EPB41L5: variants seen among roughly 807,000 people sequenced by gnomAD.
EPB41L5 encodes erythrocyte membrane protein band 4.1 like 5.
Under a neutral mutation model 106.6 loss-of-function variants are expected in EPB41L5, and 55 were observed. That is an observed-to-expected ratio of 0.52 (90% CI 0.42 to 0.65). EPB41L5 has a LOEUF of 0.65. EPB41L5 is among the 30% of genes least tolerant of loss of function. The pLI is 0.00. For synonymous variants in EPB41L5, 297 were observed against 306.7 expected (o/e 0.97, Z 0.33); for missense variants, 871 against 882.1 (o/e 0.99, Z 0.16).
rs952736552 is a variant in EPB41L5, at chr2:120,168,098, A to G, written c.2135+91A>G. On this transcript the variant is annotated intron_variant, in intron 24 of 24. Coordinates refer to ENST00000263713, the MANE Select transcript of EPB41L5 (RefSeq NM_020909.4). Reference sequence around the variant, plus strand: ...TATTATCTCTAAAGCAGCAATGTCAATTCTTCCCTAACTGAACTATATTGA... The same window carrying G: ...TATTATCTCTAAAGCAGCAATGTCAGTTCTTCCCTAACTGAACTATATTGA... The G allele has an allele frequency of 2.4e-4, 332 of 1,397,208 alleles. No individual in the cohort carries two copies. Among genetic ancestry groups the G allele is most frequent in the Non-Finnish European group, 2.8e-4 (291 of 1,029,890 alleles). The allele number at this position is 1,397,208 out of a possible 1,614,324, so 86.6% of individuals were successfully genotyped here.
chr2:120,097,496 A>G lies in EPB41L5; in HGVS notation c.1179-2748A>G, dbSNP rs944768929. 9.9e-5 allele frequency among the ~76,000 whole-genome samples: 15 copies of G among 152,234 alleles called. 2 individuals carry two copies. The highest frequency in any genetic ancestry group is 1.3e-4 in the Admixed American group (2 of 15,282). ...ACAGATTTTTTAATTGGCTAATGTC[A>G]GTCATTTTTCTTGTACTGTTTTGGC... On this transcript the variant is annotated intron_variant, in intron 14 of 24. Coordinates refer to ENST00000263713, the MANE Select transcript of EPB41L5 (RefSeq NM_020909.4).
intron 2 of EPB41L5, among the ~76,000 whole-genome samples, chr2:120,039,538 T>C (rs909957916): frequency 2.6e-5 from 4 of 152,066 alleles, no homozygotes; most frequent in African/African-American, 9.7e-5. Context: ...TTGAAAGTAA[T>C]TTTGTGGCCA....
intron 20 of EPB41L5, among the ~76,000 whole-genome samples, chr2:120,155,565 T>A (rs1686864513): frequency 6.6e-6 from 1 of 152,242 alleles, no homozygotes; most frequent in Non-Finnish European, 1.5e-5. Context: ...AATTTTCAAG[T>A]ATTATTTATT....
At chr2:120,033,089 C>T (rs1678824105) in intron 2 of EPB41L5, among the ~76,000 whole-genome samples, 2 of 152,132 alleles carry the variant, frequency 1.3e-5, no homozygotes, top group Admixed American at 1.3e-4. Flanking sequence ...AAGGTTGATA[C>T]TAGCAGGTTG....
chr2:120,161,198 C>T (rs564568701), intron 21 of EPB41L5, among the ~76,000 whole-genome samples: 152 of 152,044 alleles, frequency 1.0e-3, no homozygotes, highest in African/African-American at 3.6e-3. Context: ...GGCAACATGG[C>T]AAAACCTGTC....
chr2:120,105,667 G>T, intron 16 of EPB41L5: 1 of 985,378 alleles, frequency 1.0e-6, no homozygotes, highest in Non-Finnish European at 1.2e-6. Flanking sequence ...AATATAAATA[G>T]ATCTGTATCT....
At chr2:120,016,167 C>T (rs752709733) in intron 1 of EPB41L5, among the ~76,000 whole-genome samples, 8 of 151,954 alleles carry the variant, frequency 5.3e-5, no homozygotes, top group East Asian at 3.9e-4. Flanking sequence ...AGGTGGCTTA[C>T]GCCTGTAATC....
intron 14 of EPB41L5, among the ~76,000 whole-genome samples, chr2:120,096,187 T>A (rs550768234): frequency 6.6e-6 from 1 of 152,178 alleles, no homozygotes; most frequent in Non-Finnish European, 1.5e-5. Flanking sequence ...TATTTTTGGA[T>A]ATTGAGTATC....
rs1350343573 is a variant in EPB41L5, at chr2:120,174,038, G to A, written c.2136-803G>A. ...GTTACTTCCTTGCATCTAAACTCAC[G>A]CAGTTCACTGACAGCAGAAATTCAC... On this transcript the variant is annotated intron_variant, in intron 24 of 24. Transcript: ENST00000263713. Among the ~76,000 whole-genome samples, 3 of 152,134 alleles carry A rather than the reference G, an allele frequency of 2.0e-5. No individual in the cohort carries two copies. In the East Asian group the frequency reaches 5.8e-4, roughly 29 times the overall value.
chr2:120,175,161 A>C lies in EPB41L5; in HGVS notation c.*254A>C. On this transcript the variant is annotated 3_prime_UTR_variant, in exon 25 of 25. Coordinates refer to ENST00000263713, the MANE Select transcript of EPB41L5 (RefSeq NM_020909.4). ...CTTTTATAAATGTTACAAATTCCCG[A>C]AAGAAGGGAATTTCTTTTTCTGGGG... 2.2e-6 allele frequency: 1 copy of C among 452,590 alleles called. No homozygotes were observed. The highest frequency in any genetic ancestry group is 4.1e-6 in the Non-Finnish European group (1 of 246,522). 28.0% of individuals were successfully genotyped at this position (452,590 alleles called of 1,614,324 possible).
chr2:120,093,043 CTT>C (rs1683517634), intron 13 of EPB41L5, among the ~76,000 whole-genome samples: 1 of 152,100 alleles, frequency 6.6e-6, no homozygotes, highest in African/African-American at 2.4e-5. Context: ...AAGCTCAACT[CTT>C]AGGAGTTTGA....
intron 2 of EPB41L5, among the ~76,000 whole-genome samples, chr2:120,020,154 A>T (rs1226322358): frequency 6.6e-6 from 1 of 152,186 alleles, no homozygotes; most frequent in African/African-American, 2.4e-5. Context: ...TGTGAGCTTC[A>T]TAGGATATTC....
chr2:120,065,108 T>C (rs943135237), intron 3 of EPB41L5, among the ~76,000 whole-genome samples: 4 of 152,056 alleles, frequency 2.6e-5, no homozygotes, highest in South Asian at 2.1e-4. Context: ...CTAGGGTGAT[T>C]TTATGTTTAT....
rs538826830 is a variant in EPB41L5 at position 120,104,392 on chromosome 2, C to A, written c.1337+3578C>A. 1.6e-5 allele frequency: 22 copies of A among 1,387,464 alleles called. No homozygotes were observed. In the African/African-American group the frequency reaches 3.1e-4, roughly 19 times the overall value. 85.9% of individuals were successfully genotyped at this position (1,387,464 alleles called of 1,614,324 possible). A position where few individuals can be genotyped will look rare whatever the true frequency, so the allele number is the denominator to read the frequency against. ...CAGTGCTGTTTGTAATTGAATTCTT[C>A]CATGAAAGGGACAAGGAATCAAGGA... On this transcript the variant is annotated intron_variant, in intron 16 of 24. Transcript: ENST00000263713.
chr2:120,134,521 G>A (rs1034991520), intron 18 of EPB41L5, among the ~76,000 whole-genome samples: 2 of 152,188 alleles, frequency 1.3e-5, no homozygotes, highest in Non-Finnish European at 2.9e-5. Context: ...TGGCAGGTCT[G>A]ACTCAGCACA....
chr2:120,017,514 CATG>C (rs1199873247), intron 1 of EPB41L5, among the ~76,000 whole-genome samples: 2 of 152,310 alleles, frequency 1.3e-5, no homozygotes, highest in Admixed American at 6.5e-5. Context: ...AAATGAAACA[CATG>C]AGGATAGCAA....
intron 2 of EPB41L5, among the ~76,000 whole-genome samples, chr2:120,026,476 C>A (rs994039606): frequency 1.3e-5 from 2 of 152,218 alleles, no homozygotes; most frequent in Non-Finnish European, 2.9e-5. Flanking sequence ...TCAAGCCAGT[C>A]TCCTGCCTCA....
In EPB41L5 at chr2:120,143,322, A is replaced by G. The variant is rs1487493479; in HGVS notation, c.1728+191A>G. On this transcript the variant is annotated intron_variant, in intron 19 of 24. Transcript: ENST00000263713. ...AAATTTGTATAGAAGTGAGCCTTCAATGTTTGCCACTTTGATAGCCAGAAA... is the reference window on the plus strand; with the variant it reads ...AAATTTGTATAGAAGTGAGCCTTCAGTGTTTGCCACTTTGATAGCCAGAAA... 3.3e-5 allele frequency among the ~76,000 whole-genome samples: 5 copies of G among 152,182 alleles called. 1 individual carries two copies. Among genetic ancestry groups the G allele is most frequent in the South Asian group, 4.1e-4 (2 of 4,836 alleles).
chr2:120,078,656 C>G, intron 10 of EPB41L5, 75 bp downstream of exon 10: 1 of 966,578 alleles, frequency 1.0e-6, no homozygotes, highest in Non-Finnish European at 1.6e-6. Flanking sequence ...AATACATAAA[C>G]AAGTTTGGAA....
Sources: gnomAD v4.1 joint callset for allele counts (sites outside exome capture counted in the v4.1 genomes callset) on GRCh38, gnomAD v4.1.1 for gene constraint, MANE v1.5 for transcripts, NCBI Gene and HGNC (gene_info 2026-07-23, HGNC 2026-07-21) for gene names.